The following TMEM132B variants were observed in gnomAD, a reference collection of about 807,000 sequenced individuals.
The protein encoded by TMEM132B is transmembrane protein 132B.
Under a neutral mutation model 90.8 loss-of-function variants are expected in TMEM132B, and 18 were observed. That is an observed-to-expected ratio of 0.20 (90% CI 0.14 to 0.29). TMEM132B has a LOEUF of 0.29. Ranked by LOEUF, TMEM132B falls within the 10% of genes least tolerant of loss-of-function variation. The pLI, the probability that TMEM132B is intolerant of heterozygous loss-of-function variation, is 1.00. For synonymous variants in TMEM132B, 504 were observed against 523.3 expected, an observed-to-expected ratio of 0.96 and a Z score of 0.50; for missense variants, 1,096 against 1,326.8, an observed-to-expected ratio of 0.83 and a Z score of 2.70.
chr12:125,538,006 C>G (rs1259730942), intron 4 of TMEM132B, among the ~76,000 whole-genome samples: 1 of 152,216 alleles, frequency 6.6e-6, no homozygotes, highest in East Asian at 1.9e-4. Flanking sequence ...GCCAGGCCTG[C>G]TTCCCCCACA....
chr12:125,377,847 C>A (rs1005220581), intron 2 of TMEM132B, among the ~76,000 whole-genome samples: 1 of 152,158 alleles, frequency 6.6e-6, no homozygotes, highest in Non-Finnish European at 1.5e-5. Flanking sequence ...ACCCACCCAG[C>A]TGGTGAGATT....
At chr12:125,268,009 G>A (rs1460408914) in intron 1 of TMEM132B, among the ~76,000 whole-genome samples, 1 of 152,176 alleles carries the variant, frequency 6.6e-6, no homozygotes. Context: ...ACTTTAGGAG[G>A]CTGAGGCAGG....
chr12:125,557,504 CTTAT>C (rs943512707), intron 4 of TMEM132B, among the ~76,000 whole-genome samples: 2 of 152,188 alleles, frequency 1.3e-5, no homozygotes, highest in African/African-American at 4.8e-5. Context: ...ATCAATCTAT[CTTAT>C]TTATCTATCT....
chr12:125,222,636 C>T (rs951997788), intron 1 of TMEM132B, among the ~76,000 whole-genome samples: 1 of 152,234 alleles, frequency 6.6e-6, no homozygotes, highest in African/African-American at 2.4e-5. Context: ...TTACTTCCCA[C>T]TCAACATCCC....
At chr12:125,324,494 G>A (rs1029830887) in intron 1 of TMEM132B, among the ~76,000 whole-genome samples, 2 of 152,074 alleles carry the variant, frequency 1.3e-5, no homozygotes, top group African/African-American at 4.8e-5. Context: ...CCTAGAGCAG[G>A]GTTCCCCAAC....
At chr12:125,525,679 T>C (rs762391373) in intron 4 of TMEM132B, among the ~76,000 whole-genome samples, 6 of 152,202 alleles carry the variant, frequency 3.9e-5, no homozygotes, top group Non-Finnish European at 7.3e-5. Context: ...ACCTGTGGTA[T>C]ACTCTGCAGG....
intron 1 of TMEM132B, among the ~76,000 whole-genome samples, chr12:125,197,187 T>G (rs904881921): frequency 3.3e-5 from 5 of 152,146 alleles, no homozygotes; most frequent in African/African-American, 9.7e-5. Flanking sequence ...CCAGTGTGTG[T>G]TGTTCCCCTC....
intron 4 of TMEM132B, among the ~76,000 whole-genome samples, chr12:125,568,756 G>C (rs1352528877): frequency 6.6e-6 from 1 of 152,100 alleles, no homozygotes; most frequent in Non-Finnish European, 1.5e-5. Flanking sequence ...TAAAGAAGCG[G>C]GTGTGTAGCT....
intron 4 of TMEM132B, among the ~76,000 whole-genome samples, chr12:125,541,467 G>GTGAC (rs1566067924): frequency 1.3e-5 from 2 of 152,202 alleles, no homozygotes; most frequent in Non-Finnish European, 2.9e-5. Context: ...CACACAGGAT[G>GTGAC]TGACTGCATG....
intron 1 of TMEM132B, among the ~76,000 whole-genome samples, chr12:125,296,803 G>A (rs75966914): frequency 0.014 from 2,187 of 152,324 alleles, 48 homozygotes; most frequent in African/African-American, 0.049. Context: ...GGACCAGGCT[G>A]TCTGGGCAGG....
rs372974703 is a variant in TMEM132B, at chr12:125,460,365, G to A, written c.1106+44688G>A. On this transcript the variant is annotated intron_variant, in intron 3 of 8. Coordinates refer to ENST00000682704, the MANE Select transcript of TMEM132B (RefSeq NM_001366854.1). This position sits in a 1 kb window ranked among gnomAD's most constrained non-coding sequence, Gnocchi z 4.4. ...GAATTAGCTGGGCATGGTGGTGGGC[G>A]CCTGTAATCTCAGCTACTCAGGAGG... Among the ~76,000 whole-genome samples, 144 of 152,132 alleles carry A rather than the reference G, an allele frequency of 9.5e-4. No individual in the cohort carries two copies. Among genetic ancestry groups the A allele is most frequent in the African/African-American group, 3.3e-3 (137 of 41,512 alleles).
chr12:125,429,632 G>T (rs891780932), intron 3 of TMEM132B, among the ~76,000 whole-genome samples: 10 of 152,142 alleles, frequency 6.6e-5, no homozygotes, highest in Admixed American at 6.5e-5. Context: ...CGGTCTTGAG[G>T]AACACTGGTC....
chr12:125,550,587 T>C (rs796940311), intron 4 of TMEM132B, among the ~76,000 whole-genome samples: 22 of 152,316 alleles, frequency 1.4e-4, no homozygotes, highest in African/African-American at 5.3e-4. Flanking sequence ...TTTTTCTTTC[T>C]GTTTAAACAA....
chr12:125,556,823 C>T (rs984726924), intron 4 of TMEM132B, among the ~76,000 whole-genome samples: 22 of 152,240 alleles, frequency 1.4e-4, no homozygotes, highest in Middle Eastern at 6.8e-3. Context: ...GCCACGATCT[C>T]GGCTCGCTGC....
At chr12:125,346,749 A>C (rs1397395230) in intron 1 of TMEM132B, among the ~76,000 whole-genome samples, 2 of 152,224 alleles carry the variant, frequency 1.3e-5, no homozygotes, top group East Asian at 3.8e-4. Flanking sequence ...CTGTATGGAC[A>C]TCATTCTGGA....
intron 4 of TMEM132B, 62 bp from the exon 5 acceptor site, chr12:125,583,789 T>C (rs920672127): frequency 2.1e-4 from 327 of 1,587,384 alleles, no homozygotes; most frequent in Non-Finnish European, 2.7e-4. Flanking sequence ...TGGACACCCC[T>C]CTCCTGCTCG....
Position 125,652,725 on chromosome 12 carries a change from C to T in TMEM132B, c.2106+93C>T, listed in dbSNP as rs1001213790. 1.3e-4 allele frequency: 182 copies of T among 1,398,878 alleles called. 1 individual carries two copies. The highest frequency in any genetic ancestry group is 5.2e-4 in the South Asian group (35 of 67,622). The allele number at this position is 1,398,878 out of a possible 1,614,324, so 86.7% of individuals were successfully genotyped here. On this transcript the variant is annotated intron_variant, in intron 8 of 8. Coordinates refer to ENST00000682704, the MANE Select transcript of TMEM132B (RefSeq NM_001366854.1). The stretch of plus-strand genomic sequence containing the variant: ...GCGAAGGAGAGCAGGAGAGCCCTCA[C>T]GCCTAGGACTGGGGATTCTTGAAGC...
At chr12:125,514,081 A>C (rs1883045757) in intron 3 of TMEM132B, among the ~76,000 whole-genome samples, 1 of 152,154 alleles carries the variant, frequency 6.6e-6, no homozygotes, top group Non-Finnish European at 1.5e-5. Context: ...TCCAGTAGTG[A>C]AGACAGACGT....
At chr12:125,309,017 G>A (rs1028746977) in intron 1 of TMEM132B, among the ~76,000 whole-genome samples, 3 of 151,974 alleles carry the variant, frequency 2.0e-5, no homozygotes, top group Non-Finnish European at 4.4e-5. Context: ...AACCATGTTA[G>A]CACATTTACA....
Sources: allele counts gnomAD v4.1 joint callset (sites outside exome capture counted in the v4.1 genomes callset), GRCh38; gene constraint gnomAD v4.1.1; non-coding constraint Gnocchi (gnomAD v3.1); transcripts MANE v1.5; gene names NCBI Gene and HGNC (gene_info 2026-07-23, HGNC 2026-07-21).